The following PHLPP2 variants were observed in gnomAD, a reference collection of about 807,000 sequenced individuals.
PHLPP2 encodes the protein PH domain and leucine rich repeat protein phosphatase 2.
In PHLPP2, 66 loss-of-function variants were observed where a neutral mutation model predicts 124.9. That is an observed-to-expected ratio of 0.53 (90% CI 0.43 to 0.65). The LOEUF (loss-of-function observed/expected upper bound fraction) is 0.65. Ranked by LOEUF, PHLPP2 falls within the 30% of genes least tolerant of loss-of-function variation. The pLI, the probability that PHLPP2 is intolerant of heterozygous loss-of-function variation, is 0.00. For missense variants in PHLPP2, 1,685 were observed against 1,600.4 expected, an observed-to-expected ratio of 1.05 and a Z score of -0.90; for synonymous variants, 681 against 624.7, an observed-to-expected ratio of 1.09 and a Z score of -1.34.
rs542990901 is a variant in PHLPP2, at chr16:71,668,218, T to A, written c.1629-885A>T. ...CAAAGTCAGGAGATCGAGACCATCC[T>A]GGCTAACACGGTGAAACCCCGTTCT... On this transcript the variant is annotated intron_variant, in intron 11 of 18. Transcript: ENST00000568954. Among the ~76,000 whole-genome samples, 186 of 151,594 alleles carry A rather than the reference T, an allele frequency of 1.2e-3. 1 individual carries two copies. The highest frequency in any genetic ancestry group is 2.0e-3 in the Non-Finnish European group (139 of 67,904).
intron 15 of PHLPP2, among the ~76,000 whole-genome samples, chr16:71,657,645 T>G (rs1440227840): frequency 6.6e-6 from 1 of 151,234 alleles, no homozygotes; most frequent in Non-Finnish European, 1.5e-5. Flanking sequence ...CCACCCACCT[T>G]GGCCTCCCAA....
chr16:71,695,858 A>G (rs1489897456), intron 3 of PHLPP2, among the ~76,000 whole-genome samples: 2 of 152,212 alleles, frequency 1.3e-5, no homozygotes, highest in African/African-American at 4.8e-5. Context: ...ATATGGTTCT[A>G]TGAATATATA....
At chr16:71,723,833 A>G in intron 1 of PHLPP2, 1 of 1,243,304 alleles carries the variant, frequency 8.0e-7, no homozygotes, top group African/African-American at 1.6e-5. Flanking sequence ...CGGGGGCTCC[A>G]GCGGGCCCGC....
chr16:71,662,058 G>A (rs902628313), intron 13 of PHLPP2, among the ~76,000 whole-genome samples: 3 of 151,694 alleles, frequency 2.0e-5, no homozygotes, highest in Non-Finnish European at 2.9e-5. Context: ...TCTTGACCTC[G>A]TGATCCGCCC....
At chr16:71,679,272 C>A in intron 7 of PHLPP2, 117 bp downstream of exon 7, 1 of 903,306 alleles carries the variant, frequency 1.1e-6, no homozygotes, top group East Asian at 2.5e-5. Flanking sequence ...TGACTAGAAT[C>A]CTAAGTAGTA....
intron 4 of PHLPP2, among the ~76,000 whole-genome samples, chr16:71,685,010 T>C (rs1386878840): frequency 6.6e-6 from 1 of 152,106 alleles, no homozygotes; most frequent in African/African-American, 2.4e-5. Context: ...GTGGCAGGAA[T>C]TCACAGCACA....
rs1362409605 is a variant in PHLPP2 at position 71,649,489 on chromosome 16, T to C, written c.3373A>G (p.Thr1125Ala). The change falls in exon 19 of 19, where the codon ACC becomes GCC. Residue 1125 changes from threonine (T) to alanine (A), a missense_variant. By Grantham distance (58) the Thr-to-Ala change is moderately conservative (BLOSUM62 0). Coordinates refer to ENST00000568954, the MANE Select transcript of PHLPP2 (RefSeq NM_015020.3). Reference protein sequence around the residue: ...ERRCSLHPTPTSGLFQRQPSS... With the variant: ...ERRCSLHPTPASGLFQRQPSS... ...GGCTGGCGCTGAAACAGCCCAGAGG[T>C]GGGTGTTGGGTGGAGGCTGCAGCGC... 1 of 1,613,468 alleles carries C rather than the reference T, an allele frequency of 6.2e-7. No individual in the cohort carries two copies. The highest frequency in any genetic ancestry group is 1.3e-5 in the African/African-American group (1 of 74,822).
chr16:71,691,092 C>T (rs1030939297), intron 3 of PHLPP2, among the ~76,000 whole-genome samples: 16 of 152,160 alleles, frequency 1.1e-4, no homozygotes, highest in African/African-American at 1.7e-4. Context: ...ATTCTCATTA[C>T]GCTTTACTTT....
Position 71,717,968 on chromosome 16 carries a change from G to A in PHLPP2, c.-6-3167C>T, listed in dbSNP as rs754919420. 2.9e-4 allele frequency among the ~76,000 whole-genome samples: 44 copies of A among 152,120 alleles called. 1 individual carries two copies. Among genetic ancestry groups the A allele is most frequent in the African/African-American group, 9.2e-4 (38 of 41,424 alleles). On this transcript the variant is annotated intron_variant, in intron 1 of 18. Coordinates refer to ENST00000568954, the MANE Select transcript of PHLPP2 (RefSeq NM_015020.3). Reference sequence around the variant, plus strand: ...CTACAGTGGCGTGATCATAGCCCACGGCAGCTTCGAACTCCTGACCTCAAG... The same window carrying A: ...CTACAGTGGCGTGATCATAGCCCACAGCAGCTTCGAACTCCTGACCTCAAG...
intron 18 of PHLPP2, among the ~76,000 whole-genome samples, chr16:71,650,438 C>T (rs929160970): frequency 3.9e-4 from 59 of 152,166 alleles, no homozygotes; most frequent in African/African-American, 1.3e-3. Flanking sequence ...TGATTTCTCA[C>T]TTAAAGGGAT....
intron 10 of PHLPP2, among the ~76,000 whole-genome samples, chr16:71,671,109 C>T (rs538104191): frequency 5.3e-5 from 8 of 152,130 alleles, no homozygotes; most frequent in African/African-American, 7.2e-5. Context: ...TGATTTTCTT[C>T]GGCAATGATC....
Position 71,649,025 on chromosome 16 carries a change from G to C in PHLPP2, c.3837C>G (p.Asp1279Glu). 6.2e-7 allele frequency: 1 copy of C among 1,614,096 alleles called. No individual in the cohort carries two copies. The highest frequency in any genetic ancestry group is 8.5e-7 in the Non-Finnish European group (1 of 1,180,002). ...FAAPTQMEPE[D>E]QFVVPHDLEE... The stretch of plus-strand genomic sequence containing the variant: ...CCAGGTCATGAGGCACAACAAACTG[G>C]TCCTCTGGTTCCATCTGAGTGGGGG... Residue 1279 changes from aspartate to glutamate, a missense_variant, in exon 19 of 19, where the codon GAC becomes GAG. Coordinates refer to ENST00000568954, the MANE Select transcript of PHLPP2 (RefSeq NM_015020.3).
chr16:71,651,556 T>C (rs1479536687), intron 18 of PHLPP2, among the ~76,000 whole-genome samples: 5 of 152,032 alleles, frequency 3.3e-5, no homozygotes, highest in African/African-American at 1.2e-4. Flanking sequence ...ATAAAATAAC[T>C]AAAAATTTAA....
At chr16:71,688,051 A>G (rs1427892932) in intron 4 of PHLPP2, among the ~76,000 whole-genome samples, 1 of 152,200 alleles carries the variant, frequency 6.6e-6, no homozygotes, top group African/African-American at 2.4e-5. Flanking sequence ...TACACTGGAC[A>G]TATGTTTGCC....
intron 2 of PHLPP2, among the ~76,000 whole-genome samples, chr16:71,708,939 G>A (rs2045304828): frequency 6.6e-6 from 1 of 152,030 alleles, no homozygotes; most frequent in African/African-American, 2.4e-5. Context: ...CAGTACTCCA[G>A]CCTGGACAAC....
chr16:71,664,044 T>C lies in PHLPP2; in HGVS notation c.1840A>G (p.Thr614Ala), dbSNP rs1253916249. 1 of 1,613,986 alleles carries C rather than the reference T, an allele frequency of 6.2e-7. No individual in the cohort carries two copies. Among genetic ancestry groups the C allele is most frequent in the Non-Finnish European group, 8.5e-7 (1 of 1,179,856 alleles). The change falls in exon 13 of 19, where the codon ACT becomes GCT. Residue 614 changes from threonine to alanine, a missense_variant. By Grantham distance (58) the Thr-to-Ala change is moderately conservative (BLOSUM62 0). Transcript: ENST00000568954. The stretch of plus-strand genomic sequence containing the variant: ...AGCATACTCAAACTCTCCTCTCCAG[T>C]GCAGGCGGATGGTAAAGACTCCAGA... Reference protein sequence around the residue: ...NSLESLPSACTGEESLSMLQL... With the variant: ...NSLESLPSACAGEESLSMLQL...
chr16:71,686,879 G>A (rs1005733164), intron 4 of PHLPP2, among the ~76,000 whole-genome samples: 10 of 151,408 alleles, frequency 6.6e-5, no homozygotes, highest in African/African-American at 2.4e-4. Flanking sequence ...TAGCCATTAT[G>A]AATAAAGCTG....
At chr16:71,691,351 C>A (rs2045110740) in intron 3 of PHLPP2, among the ~76,000 whole-genome samples, 1 of 152,016 alleles carries the variant, frequency 6.6e-6, no homozygotes, top group African/African-American at 2.4e-5. Context: ...GTCCCAGCTG[C>A]TCAGGAAGCT....
At chr16:71,693,554 A>G (rs919698494) in intron 3 of PHLPP2, among the ~76,000 whole-genome samples, 2 of 152,160 alleles carry the variant, frequency 1.3e-5, no homozygotes, top group African/African-American at 4.8e-5. Context: ...CTGAATCACT[A>G]TCCACACTGG....
Sources: allele counts gnomAD v4.1 joint callset (sites outside exome capture counted in the v4.1 genomes callset), GRCh38; gene constraint gnomAD v4.1.1; transcripts MANE v1.5; gene names NCBI Gene and HGNC (gene_info 2026-07-23, HGNC 2026-07-21).